The following ZC3H7A variants were observed in gnomAD, a reference collection of about 807,000 sequenced individuals.
The protein encoded by ZC3H7A is zinc finger CCCH domain-containing protein 7A.
ZC3H7A carries 44 observed loss-of-function variants against 125.5 expected under a neutral mutation model. The ratio of observed to expected loss-of-function variants is 0.35; its 90% confidence interval spans 0.28 to 0.45. ZC3H7A has a LOEUF of 0.45. ZC3H7A is among the 20% of genes least tolerant of loss of function. The pLI, the probability that ZC3H7A is intolerant of heterozygous loss-of-function variation, is 1.00. For synonymous variants in ZC3H7A, 399 were observed against 391.2 expected (o/e 1.02, Z -0.23); for missense variants, 977 against 1,170.7 (o/e 0.83, Z 2.41).
At chr16:11,781,864 C>T (rs1033293636) in intron 2 of ZC3H7A, among the ~76,000 whole-genome samples, 11 of 152,096 alleles carry the variant, frequency 7.2e-5, no homozygotes, top group East Asian at 1.9e-4. Flanking sequence ...GGCCCTTCTG[C>T]CCGGACATGT....
At position 11,774,548 on chromosome 16, in the gene ZC3H7A, C is replaced by A; in HGVS notation, c.620-29G>T. On this transcript the variant is annotated intron_variant, in intron 8 of 22. Transcript: ENST00000355758. ...TAACACAGATGGAAATGTACTCAGT[C>A]ACTTTCATCGTACTTACATAATAAT... 2.0e-6 allele frequency: 3 copies of A among 1,490,606 alleles called. No homozygotes were observed. In the South Asian group the frequency reaches 4.4e-5, roughly 22 times the overall value. 92.3% of individuals were successfully genotyped at this position (1,490,606 alleles called of 1,614,324 possible).
At chr16:11,761,856 A>C in intron 18 of ZC3H7A, 54 bp downstream of exon 18, 1 of 1,597,366 alleles carries the variant, frequency 6.3e-7, no homozygotes, top group Non-Finnish European at 8.5e-7. Context: ...ATAATTTTAT[A>C]CCTACGAAAC....
rs1345992598 is a variant in ZC3H7A, at chr16:11,756,338, G to A, written c.2461C>T (p.Leu821Phe). 8 of 1,613,596 alleles carry A rather than the reference G, an allele frequency of 5.0e-6. No homozygotes were observed. Among genetic ancestry groups the A allele is most frequent in the Non-Finnish European group, 6.8e-6 (8 of 1,179,928 alleles). ...QDMEQFYELW[L>F]KSQKNEKSED... is the part of the protein sequence containing the mutation. ...CTTTTTTCATTTTTTTGACTCTTGA[G>A]CCATAGTTCGTAAAATTGCTCCATA... is the stretch of plus-strand genomic sequence containing the variant. The change falls in exon 21 of 23, where the codon CTC (leucine) becomes TTC (phenylalanine). Residue 821 changes from leucine (L) to phenylalanine (F), a missense_variant. Coordinates refer to ENST00000355758, the MANE Select transcript of ZC3H7A (RefSeq NM_014153.4).
intron 1 of ZC3H7A, among the ~76,000 whole-genome samples, chr16:11,791,623 G>C (rs1054585909): frequency 1.3e-5 from 2 of 152,218 alleles, no homozygotes; most frequent in African/African-American, 4.8e-5. Flanking sequence ...AAAGTTCAGA[G>C]GCCCAGGAGA....
intron 1 of ZC3H7A, among the ~76,000 whole-genome samples, chr16:11,784,177 G>T (rs72782727): frequency 0.2 from 30,818 of 152,012 alleles, 3,879 homozygotes; most frequent in East Asian, 0.49. Context: ...AAACAGTTTA[G>T]CCAAAAGGGG....
chr16:11,771,737 G>A (rs2141191112), intron 9 of ZC3H7A, among the ~76,000 whole-genome samples: 1 of 152,184 alleles, frequency 6.6e-6, no homozygotes, highest in African/African-American at 2.4e-5. Context: ...CTGACCTGAA[G>A]TGATCCAACC....
chr16:11,755,293 G>C (rs994792630), intron 21 of ZC3H7A, among the ~76,000 whole-genome samples: 34 of 151,996 alleles, frequency 2.2e-4, no homozygotes, highest in African/African-American at 7.5e-4. Context: ...TGTTCCCCTG[G>C]GGAGGGGAAC....
At chr16:11,778,314 G>A (rs1191640541) in intron 4 of ZC3H7A, among the ~76,000 whole-genome samples, 2 of 151,742 alleles carry the variant, frequency 1.3e-5, no homozygotes, top group Non-Finnish European at 2.9e-5. Context: ...GCATGCGCCT[G>A]TAGTCCCAGC....
chr16:11,752,275 T>C (rs2052566623), intron 22 of ZC3H7A, among the ~76,000 whole-genome samples: 1 of 152,228 alleles, frequency 6.6e-6, no homozygotes, highest in Non-Finnish European at 1.5e-5. Context: ...TTGATCTAAG[T>C]TCTAGATTTT....
intron 1 of ZC3H7A, among the ~76,000 whole-genome samples, chr16:11,794,213 C>T (rs1301687629): frequency 6.6e-6 from 1 of 152,156 alleles, no homozygotes; most frequent in African/African-American, 2.4e-5. Context: ...AACCAAGTAA[C>T]CCCAACACAC....
chr16:11,756,483 G>T, intron 20 of ZC3H7A, 113 bp from the exon 21 acceptor site: 2 of 1,337,544 alleles, frequency 1.5e-6, no homozygotes, highest in South Asian at 1.4e-5. Context: ...ACTCAAGGGG[G>T]CTGAAGGAGA....
Position 11,754,313 on chromosome 16 carries a change from G to GAAAAA in ZC3H7A, c.2563-1486_2563-1482dup, listed in dbSNP as rs150512321. Among the ~76,000 whole-genome samples, 353 of 119,796 alleles carry GAAAAA rather than the reference G, an allele frequency of 2.9e-3. 2 individuals carry two copies. Among genetic ancestry groups the GAAAAA allele is most frequent in the African/African-American group, 0.011 (339 of 30,168 alleles). 78.6% of individuals were successfully genotyped at this position (119,796 alleles called of 152,430 possible). A position where few individuals can be genotyped will look rare whatever the true frequency, so the allele number is the denominator to read the frequency against. On this transcript the variant is annotated intron_variant, in intron 21 of 22. Coordinates refer to ENST00000355758, the MANE Select transcript of ZC3H7A (RefSeq NM_014153.4). ...TCTCAAAAAAAAAAAAAAAAAGGAA[G>GAAAAA]AAAAAAAAATATATATATATATATA...
At chr16:11,754,715 A>C (rs2141154617) in intron 21 of ZC3H7A, among the ~76,000 whole-genome samples, 1 of 151,422 alleles carries the variant, frequency 6.6e-6, no homozygotes, top group African/African-American at 2.4e-5. Flanking sequence ...AACATGGTGA[A>C]ACTCCGTCTC....
chr16:11,787,478 T>C (rs1361814204), intron 1 of ZC3H7A, among the ~76,000 whole-genome samples: 3 of 152,142 alleles, frequency 2.0e-5, no homozygotes, highest in African/African-American at 7.2e-5. Context: ...TGTTTTGTTT[T>C]TGACACAAGG....
chr16:11,784,530 G>T (rs2053223406), intron 1 of ZC3H7A, among the ~76,000 whole-genome samples: 1 of 151,684 alleles, frequency 6.6e-6, no homozygotes, highest in South Asian at 2.1e-4. Context: ...ACCAACCTGG[G>T]CAACACAGGG....
chr16:11,775,766 C>T (rs1030003210), intron 7 of ZC3H7A: 1 of 152,284 alleles, frequency 6.6e-6, no homozygotes, highest in Admixed American at 6.5e-5. Context: ...TGAAACCTAA[C>T]ATCTATTAAC....
intron 20 of ZC3H7A, 132 bp from the exon 21 acceptor site, chr16:11,756,502 TTA>T: frequency 8.6e-7 from 1 of 1,166,690 alleles, no homozygotes; most frequent in Non-Finnish European, 1.2e-6. Context: ...GACTATTATA[TTA>T]GACATGGAGA....
In ZC3H7A at chr16:11,772,453, C is replaced by T. The variant is rs560261003; in HGVS notation, c.904-1466G>A. On this transcript the variant is annotated intron_variant, in intron 9 of 22. Coordinates refer to ENST00000355758, the MANE Select transcript of ZC3H7A (RefSeq NM_014153.4). Reference sequence around the variant, plus strand: ...GCTATCTATTTGGTTCTTAAAACAGCTCTCTCAGATACATCCTACTGTGAT... The same window carrying T: ...GCTATCTATTTGGTTCTTAAAACAGTTCTCTCAGATACATCCTACTGTGAT... Among the ~76,000 whole-genome samples, 5 of 151,884 alleles carry T rather than the reference C, an allele frequency of 3.3e-5. No homozygotes were observed. In the East Asian group the frequency reaches 9.7e-4, roughly 29 times the overall value.
chr16:11,780,312 G>A (rs923195942), intron 3 of ZC3H7A, among the ~76,000 whole-genome samples: 7 of 151,730 alleles, frequency 4.6e-5, no homozygotes, highest in Non-Finnish European at 1.0e-4. Context: ...GTAGAGACAG[G>A]GTTTCGCCAT....
Sources: allele counts gnomAD v4.1 joint callset (sites outside exome capture counted in the v4.1 genomes callset), GRCh38; gene constraint gnomAD v4.1.1; transcripts MANE v1.5; gene names NCBI Gene and HGNC (gene_info 2026-07-23, HGNC 2026-07-21).